EPB41L3: variants seen among roughly 807,000 people sequenced by gnomAD.
The protein encoded by EPB41L3 is erythrocyte membrane protein band 4.1 like 3, also known as band 4.1-like protein 3.
Under a neutral mutation model 127.1 loss-of-function variants are expected in EPB41L3, and 57 were observed. The ratio of observed to expected loss-of-function variants is 0.45; its 90% CI spans 0.36 to 0.56. The LOEUF is 0.56. EPB41L3 is among the 20% of genes least tolerant of loss of function. The probability of loss-of-function intolerance (pLI) is 0.00; values close to 1 mark genes in which losing one functional copy is unlikely to be tolerated. For synonymous variants in EPB41L3, 572 were observed against 549.5 expected (o/e 1.04, Z -0.57); for missense variants, 1,273 against 1,372.2 (o/e 0.93, Z 1.14).
chr18:5,422,308 AG>A (rs1328697148), intron 11 of EPB41L3, among the ~76,000 whole-genome samples: 3 of 152,234 alleles, frequency 2.0e-5, no homozygotes, highest in Non-Finnish European at 4.4e-5. Flanking sequence ...GTATTCCATT[AG>A]AAAAAGACAG....
At chr18:5,474,655 CA>C (rs966076456) in intron 3 of EPB41L3, among the ~76,000 whole-genome samples, 10 of 147,366 alleles carry the variant, frequency 6.8e-5, no homozygotes, top group African/African-American at 1.5e-4. Flanking sequence ...TTATTAAATG[CA>C]AAAAAAAAAG....
chr18:5,424,666 A>G (rs967642562), intron 9 of EPB41L3, among the ~76,000 whole-genome samples: 2 of 152,188 alleles, frequency 1.3e-5, no homozygotes, highest in African/African-American at 4.8e-5. Flanking sequence ...CCAGAAATCA[A>G]TTTGCCCTGA....
intron 1 of EPB41L3, among the ~76,000 whole-genome samples, chr18:5,514,555 C>T (rs867321538): frequency 3.3e-5 from 5 of 152,054 alleles, no homozygotes; most frequent in Admixed American, 1.3e-4. Context: ...CACCACCTTA[C>T]GCACATTGGA....
At chr18:5,495,954 A>C (rs531501462) in intron 1 of EPB41L3, among the ~76,000 whole-genome samples, 2 of 152,340 alleles carry the variant, frequency 1.3e-5, no homozygotes, top group Admixed American at 1.3e-4. Context: ...TAAAGGTCTG[A>C]GGGCAGGCAG....
chr18:5,429,292 T>C (rs978239956), intron 8 of EPB41L3: 9 of 152,322 alleles, frequency 5.9e-5, no homozygotes, highest in Middle Eastern at 3.4e-3. Flanking sequence ...ACATTTCATG[T>C]TTAGGTAATT....
chr18:5,613,291 A>G (rs1353784712), intron 2 of EPB41L3, among the ~76,000 whole-genome samples: 1 of 152,218 alleles, frequency 6.6e-6, no homozygotes, highest in Non-Finnish European at 1.5e-5. Context: ...AACAAAAATG[A>G]TGCCCATAAA....
At chr18:5,528,001 C>T (rs1349383312) in intron 1 of EPB41L3, among the ~76,000 whole-genome samples, 1 of 144,028 alleles carries the variant, frequency 6.9e-6, no homozygotes, top group Non-Finnish European at 1.5e-5. Flanking sequence ...AAAATATAAA[C>T]ATTAAAAACA....
chr18:5,469,300 C>T (rs914978947), intron 3 of EPB41L3, among the ~76,000 whole-genome samples: 3 of 152,216 alleles, frequency 2.0e-5, no homozygotes, highest in African/African-American at 7.2e-5. Context: ...CATCTCCAAG[C>T]TTCCGGGTGT....
chr18:5,624,072 A>C (rs994577716), intron 1 of EPB41L3, among the ~76,000 whole-genome samples: 1 of 152,126 alleles, frequency 6.6e-6, no homozygotes, highest in Non-Finnish European at 1.5e-5. Flanking sequence ...ACACAATCAT[A>C]GCTCACTGCA....
chr18:5,589,888 ACTT>A (rs749845706), intron 3 of EPB41L3, among the ~76,000 whole-genome samples: 5 of 152,340 alleles, frequency 3.3e-5, no homozygotes, highest in African/African-American at 7.2e-5. Flanking sequence ...GATTATTTCA[ACTT>A]CTTCTTGCTA....
chr18:5,418,806 G>A (rs1032696870), intron 12 of EPB41L3, among the ~76,000 whole-genome samples: 20 of 152,174 alleles, frequency 1.3e-4, no homozygotes, highest in African/African-American at 4.6e-4. Context: ...TAGAATTCGG[G>A]GTAGTGATTC....
chr18:5,425,905 T>C (rs568331505), intron 9 of EPB41L3, among the ~76,000 whole-genome samples: 2 of 152,162 alleles, frequency 1.3e-5, no homozygotes. Flanking sequence ...TTCTGAACTC[T>C]GAAATGTCAT....
At chr18:5,577,614 C>T in intron 3 of EPB41L3, 1 of 227,782 alleles carries the variant, frequency 4.4e-6, no homozygotes, top group Non-Finnish European at 8.7e-6. Context: ...CTAATATTTC[C>T]CCTGGTTCCC....
intron 5 of EPB41L3, among the ~76,000 whole-genome samples, chr18:5,442,021 C>T (rs1285984958): frequency 6.6e-6 from 1 of 152,160 alleles, no homozygotes; most frequent in Non-Finnish European, 1.5e-5. Flanking sequence ...ACAGCCTTTC[C>T]TGTCATGGTA....
chr18:5,416,413 GC>G, intron 12 of EPB41L3, 35 bp from the exon 13 acceptor site: 1 of 1,559,648 alleles, frequency 6.4e-7, no homozygotes, highest in South Asian at 1.2e-5. Context: ...ACAGAAAGCA[GC>G]AAACAGAGGT....
chr18:5,409,855 A>AT (rs2075977997), intron 14 of EPB41L3, among the ~76,000 whole-genome samples: 1 of 152,130 alleles, frequency 6.6e-6, no homozygotes, highest in Admixed American at 6.5e-5. Flanking sequence ...TATTTTAACT[A>AT]CTTAATGGTA....
At chr18:5,559,080 CT>C (rs2094084031) in intron 3 of EPB41L3, among the ~76,000 whole-genome samples, 1 of 151,150 alleles carries the variant, frequency 6.6e-6, no homozygotes, top group Admixed American at 6.6e-5. Context: ...GCATGTGCTC[CT>C]TATAAAGATG....
At chr18:5,576,891 C>T (rs1259182859) in intron 3 of EPB41L3, among the ~76,000 whole-genome samples, 2 of 152,304 alleles carry the variant, frequency 1.3e-5, no homozygotes, top group South Asian at 2.1e-4. Flanking sequence ...CTTTGGAGAG[C>T]ATTCACACTT....
chr18:5,509,775 T>G (rs1263194526), intron 1 of EPB41L3, among the ~76,000 whole-genome samples: 1 of 152,248 alleles, frequency 6.6e-6, no homozygotes, highest in Admixed American at 6.5e-5. Flanking sequence ...ATGCATATAC[T>G]ATGTGCTAGG....
Sources: gnomAD v4.1 joint callset for allele counts (sites outside exome capture counted in the v4.1 genomes callset) on GRCh38, gnomAD v4.1.1 for gene constraint, MANE v1.5 for transcripts, NCBI Gene and HGNC (gene_info 2026-07-23, HGNC 2026-07-21) for gene names.